Variants in RBFOX1 observed in about 807,000 individuals in gnomAD.
RBFOX1 encodes RNA binding protein fox-1 homolog 1.
Under a neutral mutation model 57.7 loss-of-function variants are expected in RBFOX1, and 8 were observed. The ratio of observed to expected loss-of-function variants is 0.14; its 90% confidence interval spans 0.08 to 0.25. The LOEUF is 0.25. Ranked by LOEUF, RBFOX1 falls within the 10% of genes least tolerant of loss-of-function variation. RBFOX1 has a pLI of 1.00. For synonymous variants in RBFOX1, 326 were observed against 222.4 expected (o/e 1.47, Z -4.15); for missense variants, 611 against 548.5 (o/e 1.11, Z -1.14).
intron 4 of RBFOX1, among the ~76,000 whole-genome samples, chr16:7,082,201 C>A (rs1013334890): frequency 2.6e-5 from 4 of 152,106 alleles, no homozygotes; most frequent in African/African-American, 9.7e-5. Flanking sequence ...ACATTGAAGA[C>A]CTATGGTTCA....
At chr16:6,979,807 C>T (rs2088174598) in intron 3 of RBFOX1, among the ~76,000 whole-genome samples, 1 of 152,148 alleles carries the variant, frequency 6.6e-6, no homozygotes, top group South Asian at 2.1e-4. Flanking sequence ...TTTTCTCCTG[C>T]CTACAGAAAT....
At chr16:6,961,098 A>G (rs1484635635) in intron 3 of RBFOX1, among the ~76,000 whole-genome samples, 3 of 144,192 alleles carry the variant, frequency 2.1e-5, no homozygotes, top group Middle Eastern at 6.5e-3. Flanking sequence ...AGCCGAGATC[A>G]TGCCACTGCA....
chr16:6,581,840 A>G (rs1320886699), intron 2 of RBFOX1, among the ~76,000 whole-genome samples: 9 of 152,238 alleles, frequency 5.9e-5, no homozygotes, highest in Non-Finnish European at 2.9e-5. Context: ...CCCTCAAAGG[A>G]TGCCACTGAG....
At chr16:7,399,337 C>A (rs777630558) in intron 4 of RBFOX1, among the ~76,000 whole-genome samples, 1 of 152,066 alleles carries the variant, frequency 6.6e-6, no homozygotes, top group African/African-American at 2.4e-5. Context: ...ATCGCAGCTA[C>A]GTGGGAGGCT....
At chr16:6,308,523 G>A (rs986633907) in intron 1 of RBFOX1, among the ~76,000 whole-genome samples, 10 of 152,228 alleles carry the variant, frequency 6.6e-5, no homozygotes, top group Non-Finnish European at 1.3e-4. Flanking sequence ...CTGAGTGACA[G>A]GGTTGCCTGC....
At chr16:6,621,948 G>A (rs181655921) in intron 2 of RBFOX1, among the ~76,000 whole-genome samples, 9 of 152,326 alleles carry the variant, frequency 5.9e-5, no homozygotes, top group African/African-American at 1.9e-4. Context: ...GGTGGAAGAA[G>A]TCGTTACACA....
At chr16:6,658,316 T>C (rs1603125696) in intron 3 of RBFOX1, among the ~76,000 whole-genome samples, 2 of 151,838 alleles carry the variant, frequency 1.3e-5, no homozygotes, top group African/African-American at 2.4e-5. Flanking sequence ...TCTCAGCTCA[T>C]TGCAACCTCC....
At chr16:5,986,827 T>C (rs1232051678) in intron 4 of RBFOX1, among the ~76,000 whole-genome samples, 1 of 152,214 alleles carries the variant, frequency 6.6e-6, no homozygotes, top group Non-Finnish European at 1.5e-5. Flanking sequence ...GAAGTTGCTG[T>C]AAACATTGGT....
chr16:7,485,536 C>A (rs887949022), intron 4 of RBFOX1, among the ~76,000 whole-genome samples: 1 of 152,174 alleles, frequency 6.6e-6, no homozygotes, highest in Non-Finnish European at 1.5e-5. Flanking sequence ...GAGGATGTGG[C>A]CTTTGTCTTG....
intron 1 of RBFOX1, among the ~76,000 whole-genome samples, chr16:5,461,186 G>A (rs554780505): frequency 2.4e-4 from 37 of 152,306 alleles, no homozygotes; most frequent in South Asian, 2.3e-3. Flanking sequence ...CTGTTTGCAA[G>A]GTTAGACCAG....
chr16:7,619,705 C>T (rs2059012450), intron 10 of RBFOX1, among the ~76,000 whole-genome samples: 2 of 152,142 alleles, frequency 1.3e-5, no homozygotes, highest in East Asian at 3.8e-4. Flanking sequence ...TATAGAAGGC[C>T]TTCTAGGTTC....
chr16:7,282,941 C>A (rs950072317), intron 4 of RBFOX1, among the ~76,000 whole-genome samples: 1 of 152,166 alleles, frequency 6.6e-6, no homozygotes, highest in Non-Finnish European at 1.5e-5. Flanking sequence ...AGTAGTCCAT[C>A]ATGTGTGTGT....
chr16:6,198,363 C>G (rs1036499162), intron 1 of RBFOX1, among the ~76,000 whole-genome samples: 1 of 152,200 alleles, frequency 6.6e-6, no homozygotes. Flanking sequence ...CAGGAATGCT[C>G]TCTAAACATA....
chr16:7,034,848 CTTT>C (rs58405378), intron 3 of RBFOX1, among the ~76,000 whole-genome samples: 1 of 30,826 alleles, frequency 3.2e-5, no homozygotes, highest in Non-Finnish European at 5.2e-5. Flanking sequence ...TTTCTTTTTT[CTTT>C]TTTTTTTTTT....
intron 1 of RBFOX1, among the ~76,000 whole-genome samples, chr16:6,047,895 C>T (rs528474862): frequency 1.3e-5 from 2 of 152,250 alleles, no homozygotes; most frequent in Admixed American, 6.5e-5. Flanking sequence ...CTTACGGTTT[C>T]ACAGACCGTA....
intron 1 of RBFOX1, among the ~76,000 whole-genome samples, chr16:6,220,056 A>G (rs1276381319): frequency 6.6e-6 from 1 of 151,970 alleles, no homozygotes; most frequent in East Asian, 1.9e-4. Context: ...CTGTTTCTAT[A>G]TGAATATATA....
At chr16:6,772,669 T>C (rs2078520940) in intron 3 of RBFOX1, among the ~76,000 whole-genome samples, 1 of 135,292 alleles carries the variant, frequency 7.4e-6, no homozygotes, top group Admixed American at 7.4e-5. Flanking sequence ...TATGTGGACT[T>C]TGAGTGCATT....
At chr16:5,750,371 A>G (rs770341006) in intron 3 of RBFOX1, among the ~76,000 whole-genome samples, 4 of 152,212 alleles carry the variant, frequency 2.6e-5, no homozygotes, top group Non-Finnish European at 5.9e-5. Context: ...CCATGCTGGG[A>G]GAACTAGTAC....
At chr16:6,753,213 C>G (rs1482998186) in intron 3 of RBFOX1, among the ~76,000 whole-genome samples, 1 of 152,074 alleles carries the variant, frequency 6.6e-6, no homozygotes, top group Non-Finnish European at 1.5e-5. Flanking sequence ...GAGGGATGGA[C>G]AGATGGAAAT....
Sources: allele counts gnomAD v4.1 joint callset (sites outside exome capture counted in the v4.1 genomes callset), GRCh38; gene constraint gnomAD v4.1.1; transcripts MANE v1.5; gene names NCBI Gene and HGNC (gene_info 2026-07-23, HGNC 2026-07-21).